Variants in LCORL observed in about 807,000 individuals in gnomAD.
LCORL encodes the protein ligand dependent nuclear receptor corepressor like.
A neutral mutation model predicts 141.8 loss-of-function variants in LCORL; 41 were observed. The observed-to-expected ratio is 0.29, with a 90% CI of 0.23 to 0.38. The LOEUF (loss-of-function observed/expected upper bound fraction) is 0.38, where lower values mean the gene tolerates loss of function less well. LCORL is among the 10% of genes least tolerant of loss of function. LCORL has a pLI of 1.00. For missense variants in LCORL, 1,759 were observed against 2,035.0 expected (o/e 0.86, Z 2.61); for synonymous variants, 618 against 694.1 (o/e 0.89, Z 1.72).
intron 6 of LCORL, chr4:17,883,692 A>ACACT: frequency 2.0e-6 from 3 of 1,496,014 alleles, no homozygotes; most frequent in Non-Finnish European, 2.7e-6. Context: ...ACACACACAC[A>ACACT]CTCACAAACA....
At chr4:17,897,392 A>G (rs1203351939) in intron 5 of LCORL, among the ~76,000 whole-genome samples, 1 of 151,304 alleles carries the variant, frequency 6.6e-6, no homozygotes, top group African/African-American at 2.4e-5. Context: ...GTTTGATTCA[A>G]TTATCTTATT....
exon 7 of LCORL, chr4:17,874,942 G>T: frequency 4.9e-6 from 6 of 1,233,836 alleles, no homozygotes; most frequent in Non-Finnish European, 6.1e-6. Context: ...CTATAAATAA[G>T]TGAGCTAGAA....
At chr4:17,947,122 G>A (rs1351635695) in intron 4 of LCORL, among the ~76,000 whole-genome samples, 3 of 151,918 alleles carry the variant, frequency 2.0e-5, no homozygotes, top group Admixed American at 2.0e-4. Context: ...GTGTCCAGCC[G>A]CAGATGAATC....
In LCORL at chr4:17,994,092, A is replaced by T. The variant is rs114036886; in HGVS notation, c.155-21207T>A. Among the ~76,000 whole-genome samples the T allele has an allele frequency of 2.7e-3, 417 of 152,302 alleles. 3 individuals carry two copies. Among genetic ancestry groups the T allele is most frequent in the African/African-American group, 9.6e-3 (398 of 41,558 alleles). ...GGGGCATAAATTAAACAAATATATC[A>T]GGAGGTAGAAACAAAGACTTAGAGA... On this transcript the variant is annotated intron_variant, in intron 1 of 7. Transcript: ENST00000635767.
rs1013543398 is a variant in LCORL, at chr4:17,881,458, T to C, written c.777-3245A>G. ...AAAGTTATGGGTTGATTATTACCTA[T>C]AAACTATCAAAAAATATTTTAATTT... On this transcript the variant is annotated intron_variant, in intron 6 of 7. Transcript: ENST00000635767. 7.0e-6 allele frequency: 6 copies of C among 862,886 alleles called. No individual in the cohort carries two copies. In the South Asian group the frequency reaches 2.1e-4, roughly 30 times the overall value. 53.5% of individuals were successfully genotyped at this position (862,886 alleles called of 1,614,324 possible).
chr4:17,948,568 A>G (rs1739246970), intron 4 of LCORL, among the ~76,000 whole-genome samples: 4 of 152,056 alleles, frequency 2.6e-5, no homozygotes, highest in Admixed American at 2.6e-4. Context: ...AGAAGCAGCC[A>G]GGAATATGAA....
intron 1 of LCORL, among the ~76,000 whole-genome samples, chr4:17,989,486 T>C (rs971426554): frequency 6.6e-6 from 1 of 152,174 alleles, no homozygotes; most frequent in African/African-American, 2.4e-5. Context: ...GAGAAAGTAA[T>C]AGACAGTGAA....
chr4:17,958,828 G>A (rs958169917), intron 4 of LCORL, among the ~76,000 whole-genome samples: 3 of 151,940 alleles, frequency 2.0e-5, no homozygotes, highest in African/African-American at 7.2e-5. Flanking sequence ...TAGTTGCCGA[G>A]ATTCTGCAAT....
In LCORL at chr4:18,021,775, C is replaced by A; in HGVS notation, c.-24G>T. On this transcript the variant is annotated 5_prime_UTR_variant, in exon 1 of 8. Transcript: ENST00000635767. The surrounding 1 kb of genome is among the most constrained non-coding windows in gnomAD (Gnocchi z 5.5). ...ATCTGCGTCCCGCGTCACGCGCCCT[C>A]ATTTACATACGAGCAGCGCAGGCAC... is the stretch of plus-strand genomic sequence containing the variant. 6.8e-7 allele frequency: 1 copy of A among 1,477,442 alleles called. No individual in the cohort carries two copies. Among genetic ancestry groups the A allele is most frequent in the East Asian group, 2.7e-5 (1 of 37,644 alleles). 91.5% of individuals were successfully genotyped at this position (1,477,442 alleles called of 1,614,324 possible).
exon 7 of LCORL, chr4:17,874,208 T>A (rs1179391625): frequency 3.1e-5 from 38 of 1,233,898 alleles, no homozygotes; most frequent in Non-Finnish European, 3.8e-5. Context: ...CAGTCCTTTT[T>A]AATCTAGCTA....
In LCORL at chr4:17,881,409, A is replaced by G. The variant is rs145086409; in HGVS notation, c.777-3196T>C. Reference sequence around the variant, plus strand: ...TTGTATAATCAAATGTTAACTCAATAATAGAAATGTTTTGTTTCTTTTAAA... The same window carrying G: ...TTGTATAATCAAATGTTAACTCAATGATAGAAATGTTTTGTTTCTTTTAAA... On this transcript the variant is annotated intron_variant, in intron 6 of 7. Transcript: ENST00000635767. 5.8e-4 allele frequency: 560 copies of G among 959,524 alleles called. 3 individuals are homozygous for G. In the African/African-American group the frequency reaches 9.2e-3, roughly 16 times the overall value. The allele number at this position is 959,524 out of a possible 1,614,324, so 59.4% of individuals were successfully genotyped here.
At chr4:17,994,201 A>T (rs1422833406) in intron 1 of LCORL, among the ~76,000 whole-genome samples, 1 of 152,212 alleles carries the variant, frequency 6.6e-6, no homozygotes, top group Non-Finnish European at 1.5e-5. Context: ...CAGAATCAAA[A>T]TATTTTTAAA....
chr4:17,890,979 T>C (rs1728989130), intron 5 of LCORL, among the ~76,000 whole-genome samples: 1 of 152,128 alleles, frequency 6.6e-6, no homozygotes, highest in Non-Finnish European at 1.5e-5. Context: ...AAGGAAATCA[T>C]TCTGTTTCAT....
chr4:17,860,031 T>C (rs1334717432), intron 7 of LCORL, among the ~76,000 whole-genome samples: 2 of 152,108 alleles, frequency 1.3e-5, no homozygotes, highest in African/African-American at 4.8e-5. Context: ...AAAATCAATA[T>C]TGGGATAGGA....
Position 17,944,255 on chromosome 4 carries a change from TGACTATA to T in LCORL, c.430+17641_430+17647del, listed in dbSNP as rs1738466143. 2.6e-5 allele frequency among the ~76,000 whole-genome samples: 4 copies of T among 152,314 alleles called. No homozygotes were observed. The South Asian group carries it at 8.3e-4, about 32-fold the overall frequency. On this transcript the variant is annotated intron_variant, in intron 4 of 7. Transcript: ENST00000635767. ...TTAAAATGTACAATTAAATTATTAT[TGACTATA>T]GACCCCTGTTGTGCTATCAAATACT...
chr4:17,971,672 C>CA (rs1361310400), intron 2 of LCORL, among the ~76,000 whole-genome samples: 2 of 151,284 alleles, frequency 1.3e-5, no homozygotes, highest in Non-Finnish European at 3.0e-5. Flanking sequence ...CATTAATACA[C>CA]AAAAAATCCT....
intron 6 of LCORL, chr4:17,880,713 C>T: frequency 1.0e-6 from 1 of 973,222 alleles, no homozygotes; most frequent in Non-Finnish European, 1.2e-6. Context: ...AAATTACAAC[C>T]TAGAAACACG....
intron 4 of LCORL, among the ~76,000 whole-genome samples, chr4:17,951,157 C>T (rs1739666376): frequency 6.6e-6 from 1 of 152,166 alleles, no homozygotes; most frequent in Non-Finnish European, 1.5e-5. Flanking sequence ...TTCACTCAAC[C>T]AACTCTATAA....
chr4:17,846,565 T>C (rs1722962545), intron 7 of LCORL, among the ~76,000 whole-genome samples: 1 of 152,212 alleles, frequency 6.6e-6, no homozygotes, highest in African/African-American at 2.4e-5. Flanking sequence ...CAGGATACTC[T>C]GGTTGTTTTT....
Sources: gnomAD v4.1 joint callset for allele counts (sites outside exome capture counted in the v4.1 genomes callset) on GRCh38, gnomAD v4.1.1 for gene constraint, Gnocchi (gnomAD v3.1) non-coding constraint, MANE v1.5 for transcripts, NCBI Gene and HGNC (gene_info 2026-07-23, HGNC 2026-07-21) for gene names.